Variants in GPHN observed in about 807,000 individuals in gnomAD.
GPHN encodes gephyrin.
A neutral mutation model predicts 95.5 loss-of-function variants in GPHN; 17 were observed. That is an observed-to-expected ratio of 0.18 (90% CI 0.12 to 0.27). GPHN has a LOEUF of 0.27. Among genes scored for constraint, GPHN ranks in the 10% least tolerant of loss-of-function variants. The pLI is 1.00. For missense variants in GPHN, 660 were observed against 978.1 expected (o/e 0.67, Z 4.34); for synonymous variants, 320 against 322.5 (o/e 0.99, Z 0.08).
the GPHN span, among the ~76,000 whole-genome samples, chr14:67,212,617 AAT>A: frequency 6.9e-6 from 1 of 145,924 alleles, no homozygotes; most frequent in Non-Finnish European, 1.5e-5. Flanking sequence ...ATATATATGT[AAT>A]ATATATTATA....
In GPHN at chr14:66,881,580, C is replaced by A. The variant is rs571418458; in HGVS notation, c.389+1547C>A. 3.2e-4 allele frequency among the ~76,000 whole-genome samples: 49 copies of A among 151,978 alleles called. 2 individuals are homozygous for A. The highest frequency in any genetic ancestry group is 1.1e-3 in the African/African-American group (47 of 41,544). ...AGAAAGAAAAATAAGAAATGGTCCT[C>A]TCCTTAAGGATCCCACAGTTTAAAT... On this transcript the variant is annotated intron_variant, in intron 5 of 22. Coordinates refer to ENST00000478722, the MANE Select transcript of GPHN (RefSeq NM_020806.5).
chr14:67,268,556 C>T, the GPHN span, among the ~76,000 whole-genome samples: 1 of 152,214 alleles, frequency 6.6e-6, no homozygotes, highest in African/African-American at 2.4e-5. Flanking sequence ...ATGGGCAATT[C>T]GCAGAACTGA....
chr14:67,394,632 A>T, the GPHN span, among the ~76,000 whole-genome samples: 12 of 152,146 alleles, frequency 7.9e-5, no homozygotes, highest in African/African-American at 2.9e-4. Context: ...ATGGATTCAT[A>T]CATCTTTGAT....
At chr14:67,208,792 G>A in the GPHN span, among the ~76,000 whole-genome samples, 1 of 151,892 alleles carries the variant, frequency 6.6e-6, no homozygotes, top group Non-Finnish European at 1.5e-5. Context: ...AGCTACTCGG[G>A]AGGCTGAGGC....
the GPHN span, chr14:67,254,286 G>A: frequency 2.7e-5 from 4 of 150,870 alleles, no homozygotes; most frequent in African/African-American, 9.8e-5. Flanking sequence ...GTACCAAGTG[G>A]GTACTCGCCT....
At chr14:67,315,911 C>T in the GPHN span, among the ~76,000 whole-genome samples, 4 of 152,222 alleles carry the variant, frequency 2.6e-5, no homozygotes, top group African/African-American at 4.8e-5. Context: ...GGTGACAGAG[C>T]GAGACTTCGT....
intron 4 of GPHN, among the ~76,000 whole-genome samples, chr14:66,841,596 G>A (rs1311179899): frequency 6.6e-6 from 1 of 152,092 alleles, no homozygotes; most frequent in Non-Finnish European, 1.5e-5. Flanking sequence ...ATTTGCCTTG[G>A]GAATTAGAAG....
At chr14:66,739,319 C>A (rs939976911) in intron 2 of GPHN, among the ~76,000 whole-genome samples, 2 of 150,488 alleles carry the variant, frequency 1.3e-5, no homozygotes, top group African/African-American at 2.5e-5. Context: ...CAGGTTCATG[C>A]CATTCTCCTG....
chr14:66,970,234 A>G (rs2069661340), intron 9 of GPHN, among the ~76,000 whole-genome samples: 1 of 152,140 alleles, frequency 6.6e-6, no homozygotes, highest in African/African-American at 2.4e-5. Context: ...TTAATCCACT[A>G]ATGTCTAATA....
At chr14:66,833,907 T>A (rs1271729397) in intron 4 of GPHN, among the ~76,000 whole-genome samples, 1 of 152,184 alleles carries the variant, frequency 6.6e-6, no homozygotes, top group African/African-American at 2.4e-5. Flanking sequence ...AACTTTATAA[T>A]AGTGGAGAAA....
At chr14:66,920,029 G>T (rs2066130741) in intron 6 of GPHN, among the ~76,000 whole-genome samples, 1 of 152,142 alleles carries the variant, frequency 6.6e-6, no homozygotes, top group South Asian at 2.1e-4. Flanking sequence ...TGGCGCCATT[G>T]CACTCCAGCC....
At chr14:67,729,335 G>A in the GPHN span, 1 of 1,599,200 alleles carries the variant, frequency 6.3e-7, no homozygotes, top group South Asian at 1.1e-5. Context: ...AGCCTGCACT[G>A]CGCCCTGGCT....
the GPHN span, chr14:67,365,025 T>A: frequency 1.9e-6 from 3 of 1,567,500 alleles, no homozygotes; most frequent in Admixed American, 5.6e-5. Flanking sequence ...GAGAAAAATA[T>A]CTGTAATATA....
At chr14:66,690,581 G>C (rs766250340) in intron 2 of GPHN, among the ~76,000 whole-genome samples, 4 of 152,196 alleles carry the variant, frequency 2.6e-5, no homozygotes, top group African/African-American at 9.6e-5. Flanking sequence ...AATGACCTCT[G>C]TCACATGTTG....
the GPHN span, among the ~76,000 whole-genome samples, chr14:67,402,268 C>A: frequency 6.6e-6 from 1 of 152,088 alleles, no homozygotes; most frequent in South Asian, 2.1e-4. Context: ...GTAATTTTTA[C>A]TTTAAATTTT....
the GPHN span, among the ~76,000 whole-genome samples, chr14:67,712,302 A>C: frequency 6.6e-6 from 1 of 152,130 alleles, no homozygotes; most frequent in African/African-American, 2.4e-5. Context: ...AGGGAGAATT[A>C]TTTTGAGGTT....
At chr14:67,486,791 G>A in the GPHN span, among the ~76,000 whole-genome samples, 1 of 152,168 alleles carries the variant, frequency 6.6e-6, no homozygotes, top group Admixed American at 6.5e-5. Flanking sequence ...GGTCTGGCCT[G>A]GATTTTAGAG....
chr14:67,551,071 G>A, the GPHN span, among the ~76,000 whole-genome samples: 5 of 152,170 alleles, frequency 3.3e-5, no homozygotes, highest in Non-Finnish European at 1.5e-5. Context: ...GTCCTGTTTA[G>A]CTATATACAT....
chr14:67,593,396 T>G, the GPHN span: 203 of 254,444 alleles, frequency 8.0e-4, 3 homozygotes, highest in South Asian at 9.1e-3. Context: ...GAGGCTGAGG[T>G]GGGAGAATGG....
Sources: gnomAD v4.1 joint callset for allele counts (sites outside exome capture counted in the v4.1 genomes callset) on GRCh38, gnomAD v4.1.1 for gene constraint, MANE v1.5 for transcripts, NCBI Gene and HGNC (gene_info 2026-07-23, HGNC 2026-07-21) for gene names.